The following EBF1 variants were observed in gnomAD, a reference collection of about 807,000 sequenced individuals.
EBF1 encodes the protein transcription factor COE1.
In EBF1, 10 loss-of-function variants were observed where a neutral mutation model predicts 68.4. The observed-to-expected ratio is 0.15, with a 90% CI of 0.09 to 0.25. The LOEUF is 0.25. Among genes scored for constraint, EBF1 ranks in the 10% least tolerant of loss-of-function variants. The pLI, the probability that EBF1 is intolerant of heterozygous loss-of-function variation, is 1.00. For synonymous variants in EBF1, 298 were observed against 299.8 expected (o/e 0.99, Z 0.06); for missense variants, 509 against 794.4 (o/e 0.64, Z 4.32).
chr5:158,710,241 A>T (rs918531322), intron 14 of EBF1, among the ~76,000 whole-genome samples: 2 of 152,200 alleles, frequency 1.3e-5, no homozygotes, highest in Non-Finnish European at 2.9e-5. Flanking sequence ...GCACTGAGAA[A>T]ATCAATTAAT....
chr5:158,779,019 C>T (rs908155619), intron 9 of EBF1, among the ~76,000 whole-genome samples: 3 of 151,826 alleles, frequency 2.0e-5, no homozygotes, highest in Admixed American at 6.6e-5. Flanking sequence ...ATCAGGAAAT[C>T]GAGTTTAATA....
intron 6 of EBF1, among the ~76,000 whole-genome samples, chr5:158,966,459 A>G (rs563654618): frequency 6.6e-6 from 1 of 152,198 alleles, no homozygotes; most frequent in Non-Finnish European, 1.5e-5. Flanking sequence ...GCAGCATTAC[A>G]GTCAAATCTC....
intron 6 of EBF1, among the ~76,000 whole-genome samples, chr5:158,880,309 G>A (rs17652779): frequency 0.13 from 19,677 of 152,070 alleles, 1,346 homozygotes; most frequent in African/African-American, 0.14. Context: ...CTGAGAAACC[G>A]CAGCTTTAGA....
intron 6 of EBF1, among the ~76,000 whole-genome samples, chr5:159,068,188 T>G (rs76997561): frequency 0.051 from 7,712 of 152,244 alleles, 221 homozygotes; most frequent in Middle Eastern, 0.085. Flanking sequence ...AATAAAATTA[T>G]ATATTTATGT....
rs985788970 is a variant in EBF1 at position 158,777,268 on chromosome 5, G to A, written c.1036+145C>T. 9.5e-5 allele frequency: 87 copies of A among 917,122 alleles called. 1 individual carries two copies. The highest frequency in any genetic ancestry group is 2.8e-5 in the Non-Finnish European group (19 of 669,870). 56.8% of individuals were successfully genotyped at this position (917,122 alleles called of 1,614,324 possible). The stretch of plus-strand genomic sequence containing the variant: ...ATACAATAATAAAAGCACCATGTTT[G>A]GTCATACATATGGTAAAATGAAGAA... On this transcript the variant is annotated intron_variant, in intron 10 of 15. Coordinates refer to ENST00000313708, the MANE Select transcript of EBF1 (RefSeq NM_024007.5).
intron 10 of EBF1, among the ~76,000 whole-genome samples, chr5:158,735,523 C>T (rs1331028109): frequency 7.9e-5 from 12 of 152,168 alleles, no homozygotes; most frequent in Admixed American, 7.2e-4. Context: ...ATCAAATGCT[C>T]CCAAACAGGA....
chr5:158,715,523 T>C (rs565072147), intron 11 of EBF1, among the ~76,000 whole-genome samples: 1 of 152,338 alleles, frequency 6.6e-6, no homozygotes, highest in Admixed American at 6.5e-5. Flanking sequence ...AAAAATAAGA[T>C]AGTGGGGTTT....
chr5:158,914,103 CA>C lies in EBF1; in HGVS notation c.555-73994del, dbSNP rs1806608686. On this transcript the variant is annotated intron_variant, in intron 6 of 15. Transcript: ENST00000313708. ...TGGCCTGGTGTAGGGAGAGCTGGGA[CA>C]CACCAGCTGTTTAAAAAGCCAAGTG... Among the ~76,000 whole-genome samples, 3 of 152,108 alleles carry C rather than the reference CA, an allele frequency of 2.0e-5. No individual in the cohort carries two copies. The South Asian group carries it at 6.2e-4, about 32-fold the overall frequency.
At position 158,889,942 on chromosome 5, in the gene EBF1, A is replaced by G. The variant is rs1415489437; in HGVS notation, c.555-49832T>C. Among the ~76,000 whole-genome samples, 4 of 152,372 alleles carry G rather than the reference A, an allele frequency of 2.6e-5. No individual in the cohort carries two copies. In the East Asian group the frequency reaches 7.7e-4, roughly 29 times the overall value. On this transcript the variant is annotated intron_variant, in intron 6 of 15. Transcript: ENST00000313708. Reference sequence around the variant, plus strand: ...CATTTACATTGATTTGGGTATTTTAAGTAATATAGAGATTAAAGTATACGG... The same window carrying G: ...CATTTACATTGATTTGGGTATTTTAGGTAATATAGAGATTAAAGTATACGG...
intron 6 of EBF1, among the ~76,000 whole-genome samples, chr5:158,993,266 T>C (rs994516775): frequency 6.6e-6 from 1 of 152,138 alleles, no homozygotes; most frequent in Non-Finnish European, 1.5e-5. Context: ...CAGGCTGGTC[T>C]CAAATTCCTG....
chr5:158,698,774 A>G lies in EBF1; in HGVS notation c.*337T>C. ...GAGTCTTATTTATAGTGTCCCTTGT[A>G]TAGAGCTTTACGGTTTATAAAAGAC... On this transcript the variant is annotated 3_prime_UTR_variant, in exon 16 of 16. Transcript: ENST00000313708. 8.3e-6 allele frequency: 2 copies of G among 242,096 alleles called. No individual in the cohort carries two copies. The highest frequency in any genetic ancestry group is 7.9e-6 in the Non-Finnish European group (1 of 126,690). The allele number at this position is 242,096 out of a possible 1,614,324, so 15.0% of individuals were successfully genotyped here.
intron 6 of EBF1, among the ~76,000 whole-genome samples, chr5:158,851,663 AGGAAG>A (rs1792772681): frequency 1.5e-5 from 1 of 67,892 alleles, no homozygotes; most frequent in African/African-American, 6.1e-5. Flanking sequence ...AGGGGAGGGG[AGGAAG>A]GGAAGGGAAG....
At chr5:159,051,491 C>CCACAT (rs1481951438) in intron 6 of EBF1, among the ~76,000 whole-genome samples, 1 of 144,922 alleles carries the variant, frequency 6.9e-6, no homozygotes, top group African/African-American at 2.5e-5. Flanking sequence ...ATGTGCGACT[C>CCACAT]GTGTTTCGGC....
intron 11 of EBF1, among the ~76,000 whole-genome samples, chr5:158,719,321 C>T (rs868690883): frequency 2.0e-5 from 3 of 152,174 alleles, no homozygotes; most frequent in African/African-American, 7.2e-5. Flanking sequence ...CTGCTAGCAA[C>T]ATGAGGTTGG....
chr5:158,941,563 A>T (rs1251349248), intron 6 of EBF1, among the ~76,000 whole-genome samples: 1 of 152,228 alleles, frequency 6.6e-6, no homozygotes, highest in Non-Finnish European at 1.5e-5. Context: ...AAGATCCTTG[A>T]TCCTAGATTT....
intron 6 of EBF1, among the ~76,000 whole-genome samples, chr5:159,054,552 C>G (rs1462020472): frequency 2.0e-5 from 3 of 152,130 alleles, no homozygotes; most frequent in Non-Finnish European, 4.4e-5. Flanking sequence ...GGAATATATA[C>G]TGTATTGTCA....
intron 8 of EBF1, among the ~76,000 whole-genome samples, chr5:158,815,899 C>G (rs1408042522): frequency 6.6e-6 from 1 of 152,182 alleles, no homozygotes; most frequent in Non-Finnish European, 1.5e-5. Flanking sequence ...AAGTAAAAGC[C>G]CTGATTTGAT....
At chr5:158,732,412 T>TTCA (rs1764288915) in intron 10 of EBF1, among the ~76,000 whole-genome samples, 1 of 152,182 alleles carries the variant, frequency 6.6e-6, no homozygotes, top group South Asian at 2.1e-4. Context: ...AAAATACAGG[T>TTCA]ATGATAATCT....
At chr5:158,849,015 G>C (rs1792095108) in intron 6 of EBF1, among the ~76,000 whole-genome samples, 1 of 152,184 alleles carries the variant, frequency 6.6e-6, no homozygotes, top group South Asian at 2.1e-4. Context: ...AATATGTAGT[G>C]ATGCTTCTCA....
Sources: gnomAD v4.1 joint callset for allele counts (sites outside exome capture counted in the v4.1 genomes callset) on GRCh38, gnomAD v4.1.1 for gene constraint, MANE v1.5 for transcripts, NCBI Gene and HGNC (gene_info 2026-07-23, HGNC 2026-07-21) for gene names.